The following HECW2 variants were observed in gnomAD, a reference collection of about 807,000 sequenced individuals.
HECW2 encodes the protein E3 ubiquitin-protein ligase HECW2.
HECW2 carries 61 observed loss-of-function variants against 175.2 expected under a neutral mutation model. That is an observed-to-expected ratio of 0.35 (90% CI 0.28 to 0.43). HECW2 has a LOEUF of 0.43. Ranked by LOEUF, HECW2 falls within the 20% of genes least tolerant of loss-of-function variation. The probability of loss-of-function intolerance (pLI) is 1.00; values close to 1 mark genes in which losing one functional copy is unlikely to be tolerated. For synonymous variants in HECW2, 671 were observed against 731.0 expected, an observed-to-expected ratio of 0.92 and a Z score of 1.32; for missense variants, 1,524 against 2,000.5, an observed-to-expected ratio of 0.76 and a Z score of 4.54.
chr2:196,411,230 C>T (rs923820358), intron 2 of HECW2, among the ~76,000 whole-genome samples: 1 of 152,152 alleles, frequency 6.6e-6, no homozygotes. Flanking sequence ...GTTTCGAACT[C>T]CTGGCCTAAA....
rs1686805614 is a variant in HECW2 at position 196,200,037 on chromosome 2, G to A, written c.*1240C>T. 6.5e-6 allele frequency: 1 copy of A among 152,720 alleles called. No individual in the cohort carries two copies. The allele number at this position is 152,720 out of a possible 1,614,324, so 9.5% of individuals were successfully genotyped here. On this transcript the variant is annotated 3_prime_UTR_variant, in exon 29 of 29. Transcript: ENST00000644978. ...AATGATGCTGTACAAATAAAAAGCA[G>A]TGGGGGAAATACGAAATATCTGTAT...
chr2:196,337,168 C>A (rs753965961), intron 3 of HECW2, among the ~76,000 whole-genome samples: 48 of 152,034 alleles, frequency 3.2e-4, no homozygotes, highest in Non-Finnish European at 5.7e-4. Flanking sequence ...AGGGGGAGAG[C>A]AGCATTTTGA....
chr2:196,372,020 C>T (rs1051484425), intron 2 of HECW2, among the ~76,000 whole-genome samples: 2 of 152,122 alleles, frequency 1.3e-5, no homozygotes, highest in African/African-American at 2.4e-5. Context: ...TTCAAAGAGA[C>T]CCTTGAGTCT....
intron 2 of HECW2, among the ~76,000 whole-genome samples, chr2:196,382,417 G>A (rs1694233640): frequency 6.6e-6 from 1 of 151,550 alleles, no homozygotes; most frequent in Admixed American, 6.6e-5. Flanking sequence ...AGTTTTTTGG[G>A]CCAAATGACT....
At chr2:196,213,107 A>G (rs1687349120) in intron 28 of HECW2, among the ~76,000 whole-genome samples, 1 of 152,356 alleles carries the variant, frequency 6.6e-6, no homozygotes, top group African/African-American at 2.4e-5. Flanking sequence ...CACCTAAGTA[A>G]TGCCCCACAT....
At chr2:196,324,563 T>C (rs1421769677) in intron 6 of HECW2, among the ~76,000 whole-genome samples, 1 of 152,144 alleles carries the variant, frequency 6.6e-6, no homozygotes. Context: ...CAACAAAATA[T>C]CAAAATTTTA....
intron 1 of HECW2, among the ~76,000 whole-genome samples, chr2:196,477,913 A>G (rs976076331): frequency 1.3e-5 from 2 of 152,064 alleles, no homozygotes; most frequent in East Asian, 1.9e-4. Flanking sequence ...TTAGCCGAAC[A>G]TGGTGGCACG....
chr2:196,277,016 T>A lies in HECW2; in HGVS notation c.3135+1512A>T, dbSNP rs533637024. 1.4e-3 allele frequency among the ~76,000 whole-genome samples: 209 copies of A among 152,068 alleles called. 1 individual carries two copies. The highest frequency in any genetic ancestry group is 4.6e-3 in the African/African-American group (189 of 41,486). ...TAGACACAGAAAAGGCATGTAAAGG[T>A]GGGTAAAGGATCCAAATTCTATTGT... is the stretch of plus-strand genomic sequence containing the variant. On this transcript the variant is annotated intron_variant, in intron 15 of 28. Coordinates refer to ENST00000644978, the MANE Select transcript of HECW2 (RefSeq NM_001348768.2).
chr2:196,574,079 A>G (rs182263614), intron 1 of HECW2, among the ~76,000 whole-genome samples: 11 of 152,288 alleles, frequency 7.2e-5, no homozygotes, highest in Admixed American at 7.2e-4. Context: ...ATACACAACC[A>G]ACAAACTAGC....
rs1205512699 is a variant in HECW2, at chr2:196,197,630, G to A, written c.*3647C>T. 1 of 152,126 alleles carries A rather than the reference G, an allele frequency of 6.6e-6. No individual in the cohort carries two copies. The highest frequency in any genetic ancestry group is 2.1e-4 in the South Asian group (1 of 4,830). The allele number at this position is 152,126 out of a possible 1,614,324, so 9.4% of individuals were successfully genotyped here. On this transcript the variant is annotated 3_prime_UTR_variant, in exon 29 of 29. Coordinates refer to ENST00000644978, the MANE Select transcript of HECW2 (RefSeq NM_001348768.2). ...AATGTATCTGTTTAAGAAAGTGAGA[G>A]TTTGGAGGAAGCATCTTGGAAACCT...
intron 3 of HECW2, among the ~76,000 whole-genome samples, chr2:196,341,255 C>G (rs1263483825): frequency 6.8e-6 from 1 of 146,996 alleles, no homozygotes; most frequent in African/African-American, 2.7e-5. Flanking sequence ...CAATAATTAC[C>G]AGCAGCCTTC....
chr2:196,243,471 A>T (rs939102864), intron 19 of HECW2, among the ~76,000 whole-genome samples: 8 of 151,760 alleles, frequency 5.3e-5, no homozygotes, highest in Non-Finnish European at 1.0e-4. Flanking sequence ...CAGACCATTT[A>T]TTGCATTCTT....
chr2:196,301,621 A>G (rs1264298670), intron 13 of HECW2, among the ~76,000 whole-genome samples: 1 of 152,026 alleles, frequency 6.6e-6, no homozygotes, highest in African/African-American at 2.4e-5. Context: ...CATTTCTATA[A>G]TGACCAGTAA....
At chr2:196,341,756 G>T (rs1262149458) in intron 3 of HECW2, among the ~76,000 whole-genome samples, 2 of 152,194 alleles carry the variant, frequency 1.3e-5, no homozygotes, top group African/African-American at 4.8e-5. Flanking sequence ...AATATGAAAA[G>T]AAGACATTTC....
intron 1 of HECW2, among the ~76,000 whole-genome samples, chr2:196,447,350 T>C (rs1472518542): frequency 6.6e-6 from 1 of 151,336 alleles, no homozygotes; most frequent in Non-Finnish European, 1.5e-5. Context: ...CATTCAACCA[T>C]TTCTCCCATA....
chr2:196,412,871 T>C (rs1254594876), intron 2 of HECW2, among the ~76,000 whole-genome samples: 4 of 152,230 alleles, frequency 2.6e-5, no homozygotes, highest in African/African-American at 4.8e-5. Context: ...CAGTTCAACA[T>C]AGCCCTAAAG....
At chr2:196,343,534 A>G in intron 3 of HECW2, 123 bp downstream of exon 3, 4 of 661,338 alleles carry the variant, frequency 6.0e-6, no homozygotes, top group Middle Eastern at 3.5e-4. Flanking sequence ...ATTTTCCATC[A>G]TGGCATAAAT....
intron 1 of HECW2, among the ~76,000 whole-genome samples, chr2:196,514,628 G>A (rs1242236545): frequency 6.6e-6 from 1 of 152,116 alleles, no homozygotes; most frequent in Non-Finnish European, 1.5e-5. Flanking sequence ...CCCCTCTGAA[G>A]TCCATAAAAA....
chr2:196,203,901 T>C (rs113997693), intron 28 of HECW2, among the ~76,000 whole-genome samples: 62 of 152,304 alleles, frequency 4.1e-4, no homozygotes, highest in African/African-American at 1.3e-3. Context: ...GAAACCACCA[T>C]TCTACTTTGT....
Sources: allele counts gnomAD v4.1 joint callset (sites outside exome capture counted in the v4.1 genomes callset), GRCh38; gene constraint gnomAD v4.1.1; transcripts MANE v1.5; gene names NCBI Gene and HGNC (gene_info 2026-07-23, HGNC 2026-07-21).